Variants in HPSE2 observed in about 807,000 individuals in gnomAD.
HPSE2 encodes the protein inactive heparanase-2.
HPSE2 carries 38 observed loss-of-function variants against 60.5 expected under a neutral mutation model. That is an observed-to-expected ratio of 0.63 (90% CI 0.48 to 0.82). HPSE2 has a LOEUF of 0.82. Among genes scored for constraint, HPSE2 ranks in the 40% least tolerant of loss-of-function variants. The probability of loss-of-function intolerance (pLI) is 0.00; values close to 1 mark genes in which losing one functional copy is unlikely to be tolerated. For missense variants in HPSE2, 713 were observed against 740.4 expected (o/e 0.96, Z 0.43); for synonymous variants, 295 against 293.2 (o/e 1.01, Z -0.06).
intron 5 of HPSE2, among the ~76,000 whole-genome samples, chr10:98,697,102 A>G (rs1185400852): frequency 6.6e-6 from 1 of 152,186 alleles, no homozygotes; most frequent in Admixed American, 6.5e-5. Flanking sequence ...TCTCCTCTAA[A>G]TGATCACAGT....
chr10:98,820,474 C>A (rs1182886905), intron 3 of HPSE2, among the ~76,000 whole-genome samples: 1 of 152,068 alleles, frequency 6.6e-6, no homozygotes, highest in African/African-American at 2.4e-5. Flanking sequence ...CAGGTTCTGT[C>A]AAAACTGAAT....
At chr10:99,233,755 G>C (rs1365700519) in intron 1 of HPSE2, among the ~76,000 whole-genome samples, 1 of 152,186 alleles carries the variant, frequency 6.6e-6, no homozygotes, top group African/African-American at 2.4e-5. Context: ...TCGTTTGGCA[G>C]AAGTCTCCGG....
intron 3 of HPSE2, among the ~76,000 whole-genome samples, chr10:98,810,040 C>G (rs1428797991): frequency 6.6e-6 from 1 of 152,086 alleles, no homozygotes; most frequent in African/African-American, 2.4e-5. Context: ...TTGTATATTT[C>G]TGCTTTGTCC....
At chr10:99,196,485 CA>C (rs1848402027) in intron 2 of HPSE2, among the ~76,000 whole-genome samples, 1 of 151,900 alleles carries the variant, frequency 6.6e-6, no homozygotes, top group Non-Finnish European at 1.5e-5. Context: ...AACCAGAATA[CA>C]TAAGGAGCCC....
chr10:98,497,177 T>C (rs1941871902), intron 9 of HPSE2, among the ~76,000 whole-genome samples: 1 of 152,208 alleles, frequency 6.6e-6, no homozygotes, highest in Non-Finnish European at 1.5e-5. Context: ...ATAGTAAGTC[T>C]TCACTTAATG....
At chr10:99,295,686 C>T in the HPSE2 span, among the ~76,000 whole-genome samples, 130,150 of 152,160 alleles carry the variant, frequency 0.86, 56,000 homozygotes, top group African/African-American at 0.92. Flanking sequence ...AACTTATTTA[C>T]GAAAAATAGC....
At chr10:98,907,053 C>A (rs1262386411) in intron 3 of HPSE2, among the ~76,000 whole-genome samples, 1 of 152,160 alleles carries the variant, frequency 6.6e-6, no homozygotes, top group Non-Finnish European at 1.5e-5. Flanking sequence ...CACAACAATT[C>A]TGTGAGGAAG....
rs1842889824 is a variant in HPSE2 at position 99,074,225 on chromosome 10, CCTT to C, written c.610+70010_610+70012del. ...TATGGCCATTATGTTGAGGTAATGT[CCTT>C]CTTTTCCCAGTTAATATATTGAGTT... On this transcript the variant is annotated intron_variant, in intron 3 of 11. Transcript: ENST00000370552. Among the ~76,000 whole-genome samples, 4 of 152,114 alleles carry C rather than the reference CCTT, an allele frequency of 2.6e-5. No homozygotes were observed. The South Asian group carries it at 8.3e-4, about 32-fold the overall frequency.
At chr10:99,310,368 G>T in the HPSE2 span, among the ~76,000 whole-genome samples, 1 of 152,130 alleles carries the variant, frequency 6.6e-6, no homozygotes, top group African/African-American at 2.4e-5. Context: ...AACATATTGA[G>T]TTGTAACCTT....
At chr10:99,173,614 T>C (rs1847402639) in intron 2 of HPSE2, among the ~76,000 whole-genome samples, 1 of 152,140 alleles carries the variant, frequency 6.6e-6, no homozygotes, top group Admixed American at 6.5e-5. Context: ...GTAAAACTTA[T>C]AACTCTGAAA....
intron 2 of HPSE2, among the ~76,000 whole-genome samples, chr10:99,179,054 C>T (rs986717014): frequency 2.6e-5 from 4 of 152,036 alleles, no homozygotes; most frequent in Non-Finnish European, 5.9e-5. Context: ...AAAAAGCCTT[C>T]GACAAAATTC....
rs116569060 is a variant in HPSE2 at position 98,777,639 on chromosome 10, A to C, written c.611-33583T>G. Among the ~76,000 whole-genome samples the C allele has an allele frequency of 5.9e-3, 894 of 152,180 alleles. 5 individuals carry two copies. Among genetic ancestry groups the C allele is most frequent in the African/African-American group, 0.02 (845 of 41,536 alleles). ...ATTAATTTGTTGTTTGTCCTCTATA[A>C]TTTTCTTTTGCCTTATAACAAAACA... On this transcript the variant is annotated intron_variant, in intron 3 of 11. Transcript: ENST00000370552.
At chr10:98,911,616 G>A (rs565044920) in intron 3 of HPSE2, among the ~76,000 whole-genome samples, 1 of 152,276 alleles carries the variant, frequency 6.6e-6, no homozygotes, top group African/African-American at 2.4e-5. Flanking sequence ...ATGGGCAGGA[G>A]AGTAATCAGA....
intron 3 of HPSE2, among the ~76,000 whole-genome samples, chr10:98,782,810 G>C (rs1228212706): frequency 1.7e-5 from 2 of 119,822 alleles, no homozygotes; most frequent in Non-Finnish European, 3.6e-5. Context: ...ATAAATATTT[G>C]ATTAAAATGT....
At chr10:99,093,060 T>C (rs1454508993) in intron 3 of HPSE2, among the ~76,000 whole-genome samples, 1 of 152,064 alleles carries the variant, frequency 6.6e-6, no homozygotes, top group Non-Finnish European at 1.5e-5. Flanking sequence ...AAACCGCATC[T>C]CTACTAAAAT....
chr10:99,300,859 C>A, the HPSE2 span, among the ~76,000 whole-genome samples: 1 of 152,178 alleles, frequency 6.6e-6, no homozygotes, highest in Non-Finnish European at 1.5e-5. Flanking sequence ...CCTTTGAGAC[C>A]CGAGGCTCAG....
At chr10:99,139,595 A>G (rs1845791297) in intron 3 of HPSE2, among the ~76,000 whole-genome samples, 1 of 152,186 alleles carries the variant, frequency 6.6e-6, no homozygotes, top group African/African-American at 2.4e-5. Context: ...ATTACTTATA[A>G]AGCACGAACA....
intron 3 of HPSE2, among the ~76,000 whole-genome samples, chr10:99,142,180 G>A (rs574834144): frequency 2.5e-4 from 38 of 152,282 alleles, no homozygotes; most frequent in African/African-American, 9.1e-4. Context: ...AGAGGTCCCT[G>A]CCCCTTCAAC....
chr10:99,285,159 G>C, the HPSE2 span, among the ~76,000 whole-genome samples: 1 of 151,928 alleles, frequency 6.6e-6, no homozygotes, highest in Non-Finnish European at 1.5e-5. Flanking sequence ...GGCTGAGGTA[G>C]TGGTTCATAC....
Sources: gnomAD v4.1 joint callset for allele counts (sites outside exome capture counted in the v4.1 genomes callset) on GRCh38, gnomAD v4.1.1 for gene constraint, MANE v1.5 for transcripts, NCBI Gene and HGNC (gene_info 2026-07-23, HGNC 2026-07-21) for gene names.